Variants in DEAF1 observed in about 807,000 individuals in gnomAD.
DEAF1 encodes the protein deformed epidermal autoregulatory factor 1 homolog.
DEAF1 carries 53 observed loss-of-function variants against 58.9 expected under a neutral mutation model. That is an observed-to-expected ratio of 0.90 (90% CI 0.72 to 1.13). DEAF1 has a LOEUF of 1.13. Ranked by LOEUF, DEAF1 falls within the 50% of genes most tolerant of loss-of-function variation. DEAF1 has a pLI of 0.00. For missense variants in DEAF1, 685 were observed against 791.4 expected, an observed-to-expected ratio of 0.87 and a Z score of 1.61; for synonymous variants, 385 against 340.4, an observed-to-expected ratio of 1.13 and a Z score of -1.44.
Position 686,892 on chromosome 11 carries a change from C to T in DEAF1, c.770G>A (p.Arg257His), listed in dbSNP as rs1373112573. Residue 257 changes from arginine (R) to histidine (H), a missense_variant, in exon 5 of 12, where the codon CGC becomes CAC. Physicochemically the swap from Arg to His is conservative, Grantham distance 29. Coordinates refer to ENST00000382409, the MANE Select transcript of DEAF1 (RefSeq NM_021008.4). ...GCACTGCAAGGGTCGGCCCGCGTAG[C>T]GAATGCTTCTTTTCCAGTCCTTACT... is the stretch of plus-strand genomic sequence containing the variant. ...ASSKDWKRSI[R>H]YAGRPLQCLI... 5.0e-6 allele frequency: 8 copies of T among 1,614,208 alleles called. No homozygotes were observed. Among genetic ancestry groups the T allele is most frequent in the South Asian group, 4.4e-5 (4 of 91,088 alleles).
intron 7 of DEAF1, among the ~76,000 whole-genome samples, chr11:680,569 C>T (rs1281929997): frequency 2.0e-5 from 3 of 152,226 alleles, no homozygotes; most frequent in Non-Finnish European, 4.4e-5. Context: ...GGGATCCTGA[C>T]GCCGCCCTCC....
chr11:695,380 G>A, upstream of DEAF1: 1 of 418,240 alleles, frequency 2.4e-6, no homozygotes, highest in Non-Finnish European at 4.2e-6. Flanking sequence ...CCTCACGAGG[G>A]CTTCCGAGAG....
At chr11:704,460 G>C (rs548185172) in intron 1 of DEAF1, 1 of 1,289,286 alleles carries the variant, frequency 7.8e-7, no homozygotes, top group South Asian at 1.2e-5. Context: ...GTGAGCTGCA[G>C]GACAGCCCTG....
intron 10 of DEAF1, among the ~76,000 whole-genome samples, chr11:663,559 A>T (rs1207835655): frequency 6.6e-6 from 1 of 150,956 alleles, no homozygotes; most frequent in East Asian, 1.9e-4. Context: ...TTCCTCCTCA[A>T]ATCGCCTCAG....
chr11:670,188 A>G (rs1421391823), intron 10 of DEAF1, among the ~76,000 whole-genome samples: 1 of 151,988 alleles, frequency 6.6e-6, no homozygotes, highest in Non-Finnish European at 1.5e-5. Flanking sequence ...GACCAGGTTC[A>G]TGCATTCATC....
At chr11:703,856 C>A in intron 1 of DEAF1, 1 of 1,236,402 alleles carries the variant, frequency 8.1e-7, no homozygotes, top group Non-Finnish European at 1.0e-6. Flanking sequence ...GGAGAGAGAG[C>A]AGCGGAGGGC....
intron 11 of DEAF1, among the ~76,000 whole-genome samples, chr11:650,723 G>C (rs925578348): frequency 2.6e-4 from 40 of 151,810 alleles, no homozygotes; most frequent in Non-Finnish European, 2.9e-4. Flanking sequence ...GAGGCCAAGC[G>C]GGGGTGGAAC....
intron 10 of DEAF1, among the ~76,000 whole-genome samples, chr11:657,773 C>A (rs763868376): frequency 3.9e-5 from 6 of 152,238 alleles, no homozygotes; most frequent in Non-Finnish European, 8.8e-5. Flanking sequence ...AAGCCTGGAT[C>A]GGGGCACCTG....
rs1468472794 is a variant in DEAF1 at position 644,760 on chromosome 11, C to T, written c.1594-106G>A. The stretch of plus-strand genomic sequence containing the variant: ...AGGGTGCAGCCCTCTGTAACCTCAC[C>T]TGGAGGTGCTGAGAATGCCCTCCCC... On this transcript the variant is annotated intron_variant, in intron 11 of 11. Coordinates refer to ENST00000382409, the MANE Select transcript of DEAF1 (RefSeq NM_021008.4). This position sits in a 1 kb window ranked among gnomAD's most constrained non-coding sequence, Gnocchi z 4.3. 7 of 872,664 alleles carry T rather than the reference C, an allele frequency of 8.0e-6. No homozygotes were observed. The highest frequency in any genetic ancestry group is 1.7e-5 in the African/African-American group (1 of 60,314). 54.1% of individuals were successfully genotyped at this position (872,664 alleles called of 1,614,324 possible).
intron 2 of DEAF1, 43 bp downstream of exon 2, chr11:691,458 G>A (rs1455489874): frequency 5.0e-6 from 8 of 1,587,328 alleles, no homozygotes; most frequent in African/African-American, 2.7e-5. Flanking sequence ...GGCCCCCAGC[G>A]TGGCACCACC....
intron 6 of DEAF1, among the ~76,000 whole-genome samples, chr11:681,684 A>C (rs964162731): frequency 6.6e-6 from 1 of 152,060 alleles, no homozygotes; most frequent in Non-Finnish European, 1.5e-5. Context: ...TGCTAGGATT[A>C]CAGGCGTGAG....
At chr11:648,287 C>T (rs574314486) in intron 11 of DEAF1, among the ~76,000 whole-genome samples, 21 of 151,676 alleles carry the variant, frequency 1.4e-4, no homozygotes, top group Admixed American at 2.6e-4. Context: ...CTCCGCCTCC[C>T]GGGTTCATGC....
At chr11:665,209 CTAAG>C (rs1332778256) in intron 10 of DEAF1, among the ~76,000 whole-genome samples, 30 of 125,308 alleles carry the variant, frequency 2.4e-4, no homozygotes, top group South Asian at 2.3e-3. Context: ...CTCGGTCACT[CTAAG>C]TAAGTCCTGG....
intron 1 of DEAF1, chr11:704,906 G>T (rs925994610): frequency 2.8e-6 from 1 of 354,038 alleles, no homozygotes; most frequent in Non-Finnish European, 5.6e-6. Flanking sequence ...CAGGAAGGGT[G>T]AGGGCACGGG....
At chr11:695,831 G>A (rs1861111791), upstream of DEAF1, 8 of 1,230,488 alleles carry the variant, frequency 6.5e-6, no homozygotes, top group South Asian at 3.2e-4. Flanking sequence ...GGGTAAGATG[G>A]CGGCCCCGCG....
At chr11:689,857 C>T (rs1424594194) in intron 2 of DEAF1, 1 of 152,180 alleles carries the variant, frequency 6.6e-6, no homozygotes, top group Non-Finnish European at 1.5e-5. Flanking sequence ...AGGACACCCC[C>T]GCTCCATGAC....
chr11:696,055 C>T (rs895016996), upstream of DEAF1, among the ~76,000 whole-genome samples: 1 of 152,152 alleles, frequency 6.6e-6, no homozygotes, highest in African/African-American at 2.4e-5. Context: ...CTCCCCCGCG[C>T]GCGGGCGCCT....
At chr11:660,425 A>G (rs1045775830) in intron 10 of DEAF1, among the ~76,000 whole-genome samples, 17 of 152,144 alleles carry the variant, frequency 1.1e-4, no homozygotes, top group African/African-American at 4.1e-4. Context: ...GGGACTGCAA[A>G]GCCACCTCTG....
chr11:703,836 TG>T, intron 1 of DEAF1: 2 of 1,234,996 alleles, frequency 1.6e-6, no homozygotes, highest in Non-Finnish European at 2.0e-6. Context: ...AGGCCGGGGA[TG>T]AGACTGCAGG....
Sources: allele counts gnomAD v4.1 joint callset (sites outside exome capture counted in the v4.1 genomes callset), GRCh38; gene constraint gnomAD v4.1.1; non-coding constraint Gnocchi (gnomAD v3.1); transcripts MANE v1.5; gene names NCBI Gene and HGNC (gene_info 2026-07-23, HGNC 2026-07-21).